SFRP1: variants seen among roughly 807,000 people sequenced by gnomAD.
SFRP1 encodes secreted frizzled-related protein 1.
In SFRP1, 9 loss-of-function variants were observed where a neutral mutation model predicts 25.9. That is an observed-to-expected ratio of 0.35 (90% CI 0.21 to 0.61). The LOEUF (loss-of-function observed/expected upper bound fraction) is 0.61, where lower values mean the gene tolerates loss of function less well. Among genes scored for constraint, SFRP1 ranks in the 20% least tolerant of loss-of-function variants. SFRP1 has a pLI of 0.78. For synonymous variants in SFRP1, 178 were observed against 174.0 expected, an observed-to-expected ratio of 1.02 and a Z score of -0.18; for missense variants, 346 against 418.2, an observed-to-expected ratio of 0.83 and a Z score of 1.51.
At chr8:41,296,136 G>A (rs557926381) in intron 2 of SFRP1, among the ~76,000 whole-genome samples, 2 of 152,236 alleles carry the variant, frequency 1.3e-5, no homozygotes, top group East Asian at 3.9e-4. Flanking sequence ...CAGGTCCTCT[G>A]GGCACAGTGG....
At chr8:41,306,463 C>A (rs1334886170) in intron 1 of SFRP1, among the ~76,000 whole-genome samples, 1 of 151,364 alleles carries the variant, frequency 6.6e-6, no homozygotes, top group Non-Finnish European at 1.5e-5. Context: ...TTTGTCTTGA[C>A]CTGCCCTCTA....
At chr8:41,298,006 G>A (rs968978798) in intron 2 of SFRP1, among the ~76,000 whole-genome samples, 1 of 152,180 alleles carries the variant, frequency 6.6e-6, no homozygotes, top group Non-Finnish European at 1.5e-5. Flanking sequence ...GGCAGTAACA[G>A]GGATCCAGGT....
chr8:41,302,084 A>G (rs183591503), intron 2 of SFRP1, among the ~76,000 whole-genome samples: 1 of 152,366 alleles, frequency 6.6e-6, no homozygotes, highest in African/African-American at 2.4e-5. Context: ...TTAGAGGAAG[A>G]GTTCCACCCT....
chr8:41,274,635 C>T (rs1217476388), intron 2 of SFRP1, among the ~76,000 whole-genome samples: 2 of 152,148 alleles, frequency 1.3e-5, no homozygotes, highest in African/African-American at 4.8e-5. Context: ...TATTTATTTG[C>T]TCCAGTTTGC....
At chr8:41,277,032 CCA>C (rs1184851032) in intron 2 of SFRP1, 2 of 456,136 alleles carry the variant, frequency 4.4e-6, no homozygotes, top group Non-Finnish European at 8.8e-6. Context: ...TGTTAAATCC[CCA>C]CTGAGTTAAG....
At chr8:41,300,329 G>T (rs902355079) in intron 2 of SFRP1, among the ~76,000 whole-genome samples, 1 of 152,142 alleles carries the variant, frequency 6.6e-6, no homozygotes, top group African/African-American at 2.4e-5. Context: ...ATGGAAAAAA[G>T]AATCCTTCCA....
At chr8:41,284,361 C>CCA (rs1397277282) in intron 2 of SFRP1, among the ~76,000 whole-genome samples, 4 of 136,560 alleles carry the variant, frequency 2.9e-5, no homozygotes, top group African/African-American at 8.2e-5. Context: ...AGGGCCCCTC[C>CCA]CACATTGCTG....
In SFRP1 at chr8:41,308,661, T is replaced by G; in HGVS notation, c.499A>C (p.Ile167Leu). 1 of 1,610,244 alleles carries G rather than the reference T, an allele frequency of 6.2e-7. No individual in the cohort carries two copies. Among genetic ancestry groups the G allele is most frequent in the Non-Finnish European group, 8.5e-7 (1 of 1,177,776 alleles). ...GTGGCATTGGGCGGCGTCATGGCGA[T>G]GCAGACGTCCCCCTCGGGGAACTTG... is the stretch of plus-strand genomic sequence containing the variant. ...CDKFPEGDVCIAMTPPNATEA... is the reference protein window; with the variant it reads ...CDKFPEGDVCLAMTPPNATEA... The change falls in exon 1 of 3, where the codon ATC (isoleucine) becomes CTC (leucine). Residue 167 changes from isoleucine to leucine, a missense_variant. By Grantham distance (5) the Ile-to-Leu change is conservative. Transcript: ENST00000220772.
chr8:41,304,759 C>T (rs542512121), intron 1 of SFRP1, among the ~76,000 whole-genome samples: 8 of 152,110 alleles, frequency 5.3e-5, no homozygotes, highest in Non-Finnish European at 1.0e-4. Context: ...ATCAAGGCTG[C>T]CCTCAGGACA....
intron 2 of SFRP1, among the ~76,000 whole-genome samples, chr8:41,284,905 G>T (rs558642903): frequency 5.3e-5 from 8 of 152,306 alleles, no homozygotes; most frequent in Admixed American, 2.6e-4. Flanking sequence ...GACTCATTGA[G>T]TTCACTCTGC....
At chr8:41,308,419 C>T (rs1207305713) in intron 1 of SFRP1, among the ~76,000 whole-genome samples, 197 bp downstream of exon 1, 1 of 152,220 alleles carries the variant, frequency 6.6e-6, no homozygotes, top group African/African-American at 2.4e-5. Flanking sequence ...ACCTGGGTCG[C>T]GAGGGGCGCT....
At chr8:41,288,014 T>C (rs1021031424) in intron 2 of SFRP1, among the ~76,000 whole-genome samples, 1 of 151,878 alleles carries the variant, frequency 6.6e-6, no homozygotes, top group Non-Finnish European at 1.5e-5. Flanking sequence ...GGCCAGGAGT[T>C]CAAGACCAGC....
chr8:41,307,075 T>G (rs1018760189), intron 1 of SFRP1: 2 of 1,349,716 alleles, frequency 1.5e-6, no homozygotes, highest in African/African-American at 2.9e-5. Context: ...AGGGCAGGGC[T>G]GGGCTAATCC....
chr8:41,275,606 A>C (rs1206387106), intron 2 of SFRP1, among the ~76,000 whole-genome samples: 2 of 149,062 alleles, frequency 1.3e-5, no homozygotes, highest in Non-Finnish European at 3.0e-5. Context: ...GGGTTCAAGC[A>C]ATTCTCCTGC....
At chr8:41,288,038 C>T (rs1393125335) in intron 2 of SFRP1, among the ~76,000 whole-genome samples, 3 of 149,240 alleles carry the variant, frequency 2.0e-5, no homozygotes, top group East Asian at 3.9e-4. Context: ...GGCCACATAG[C>T]GAGACCCCGT....
At chr8:41,279,476 T>A (rs1803608745) in intron 2 of SFRP1, among the ~76,000 whole-genome samples, 1 of 152,070 alleles carries the variant, frequency 6.6e-6, no homozygotes, top group African/African-American at 2.4e-5. Flanking sequence ...AACCTTTCTG[T>A]CCCAGAAAGG....
chr8:41,287,547 G>T (rs1803720413), intron 2 of SFRP1, among the ~76,000 whole-genome samples: 1 of 152,186 alleles, frequency 6.6e-6, no homozygotes, highest in Non-Finnish European at 1.5e-5. Flanking sequence ...GGTGAGCCTG[G>T]CTCTACATCT....
rs534277497 is a variant in SFRP1 at position 41,265,035 on chromosome 8, C to T, written c.*132G>A. On this transcript the variant is annotated 3_prime_UTR_variant, in exon 3 of 3. Coordinates refer to ENST00000220772, the MANE Select transcript of SFRP1 (RefSeq NM_003012.5). ...GAAGGGAGCGGGAATGCTGCAAGAACAAGCCGACTGGATTACAATGTCCAC... is the reference window on the plus strand; with the variant it reads ...GAAGGGAGCGGGAATGCTGCAAGAATAAGCCGACTGGATTACAATGTCCAC... 1.5e-6 allele frequency: 1 copy of T among 667,724 alleles called. No homozygotes were observed. The highest frequency in any genetic ancestry group is 2.0e-5 in the South Asian group (1 of 51,028). The allele number at this position is 667,724 out of a possible 1,614,324, so 41.4% of individuals were successfully genotyped here. A position where few individuals can be genotyped will look rare whatever the true frequency, so the allele number is the denominator to read the frequency against.
intron 1 of SFRP1, among the ~76,000 whole-genome samples, chr8:41,305,564 C>T (rs191214209): frequency 4.7e-4 from 71 of 152,318 alleles, no homozygotes; most frequent in African/African-American, 1.6e-3. Context: ...CTCATTGGTG[C>T]GTCTTGGGGC....
Sources: gnomAD v4.1 joint callset for allele counts (sites outside exome capture counted in the v4.1 genomes callset) on GRCh38, gnomAD v4.1.1 for gene constraint, MANE v1.5 for transcripts, NCBI Gene and HGNC (gene_info 2026-07-23, HGNC 2026-07-21) for gene names.